The following CPNE6 variants were observed in gnomAD, a reference collection of about 807,000 sequenced individuals.
The protein encoded by CPNE6 is copine-6.
CPNE6 carries 33 observed loss-of-function variants against 71.5 expected under a neutral mutation model. The ratio of observed to expected loss-of-function variants is 0.46; its 90% CI spans 0.35 to 0.62. The LOEUF (loss-of-function observed/expected upper bound fraction) is 0.62. CPNE6 is among the 20% of genes least tolerant of loss of function. CPNE6 has a pLI of 0.00. For missense variants in CPNE6, 576 were observed against 747.3 expected (o/e 0.77, Z 2.67); for synonymous variants, 296 against 293.0 (o/e 1.01, Z -0.10).
In CPNE6 at chr14:24,074,582, G is replaced by A; in HGVS notation, c.550G>A (p.Asp184Asn). 1 of 1,614,192 alleles carries A rather than the reference G, an allele frequency of 6.2e-7. No individual in the cohort carries two copies. Residue 184 changes from aspartate (D) to asparagine (N), a missense_variant, in exon 7 of 18, where the codon GAC becomes AAC. Asp to Asn is a conservative substitution (Grantham distance 23). This residue lies in a region of CPNE6 where 214 missense variants were observed against 291.2 expected (regional missense o/e 0.73). Coordinates refer to ENST00000397016, the Ensembl canonical transcript of CPNE6. The surrounding 1 kb of genome is among the most constrained non-coding windows in gnomAD (Gnocchi z 4.5). ...CATGGAAATCTATAAGACCAACGAG[G>A]ACCAAAGTGATCAGCTGGTCTGGAG...
Position 24,074,509 on chromosome 14 carries a change from G to T in CPNE6, c.499-22G>T. ...CTTGCAGCTCTCACCAACCTCAAGG[G>T]CCCTTTCTCCTGTATCTTCAGGATC... On this transcript the variant is annotated intron_variant, in intron 6 of 17. Coordinates refer to ENST00000397016, the Ensembl canonical transcript of CPNE6. This position sits in a 1 kb window ranked among gnomAD's most constrained non-coding sequence, Gnocchi z 4.5. 1 of 1,611,418 alleles carries T rather than the reference G, an allele frequency of 6.2e-7. No homozygotes were observed. The highest frequency in any genetic ancestry group is 1.1e-5 in the South Asian group (1 of 91,024).
Position 24,074,449 on chromosome 14 carries a change from G to T in CPNE6, c.499-82G>T, listed in dbSNP as rs546509918. Reference sequence around the variant, plus strand: ...AGACAGATCCCAGGAGCCCAGGCCTGCTCTCTTCCCAGTGGGAGCCCATCC... The same window carrying T: ...AGACAGATCCCAGGAGCCCAGGCCTTCTCTCTTCCCAGTGGGAGCCCATCC... On this transcript the variant is annotated intron_variant, in intron 6 of 17. Transcript: ENST00000397016. The surrounding 1 kb of genome is among the most constrained non-coding windows in gnomAD (Gnocchi z 4.5). 779 of 1,582,400 alleles carry T rather than the reference G, an allele frequency of 4.9e-4. 7 individuals carry two copies. The South Asian group carries it at 5.0e-3, about 10-fold the overall frequency.
intron 2 of CPNE6, chr14:24,072,640 CTA>C: frequency 3.1e-6 from 1 of 320,748 alleles, no homozygotes; most frequent in South Asian, 1.4e-4. Flanking sequence ...AATCGATGGC[CTA>C]GGAGCCAAGA....
chr14:24,075,739 C>T lies in CPNE6; in HGVS notation c.865-88C>T, dbSNP rs1046438410. The T allele has an allele frequency of 1.1e-5, 15 of 1,410,058 alleles. No homozygotes were observed. The highest frequency in any genetic ancestry group is 1.1e-4 in the Admixed American group (6 of 56,626). 87.3% of individuals were successfully genotyped at this position (1,410,058 alleles called of 1,614,324 possible). ...AACTGCAACCCAAAAAACTCTGGCT[C>T]CCCCATGTTCCCCACAGAAGCCCTA... is the stretch of plus-strand genomic sequence containing the variant. On this transcript the variant is annotated intron_variant, in intron 10 of 17. Coordinates refer to ENST00000397016, the Ensembl canonical transcript of CPNE6. The surrounding 1 kb of genome is among the most constrained non-coding windows in gnomAD (Gnocchi z 4.3).
At position 24,077,453 on chromosome 14, in the gene CPNE6, C is replaced by T; in HGVS notation, c.1536+63C>T. 2 of 1,576,732 alleles carry T rather than the reference C, an allele frequency of 1.3e-6. No individual in the cohort carries two copies. Among genetic ancestry groups the T allele is most frequent in the Non-Finnish European group, 1.7e-6 (2 of 1,146,828 alleles). On this transcript the variant is annotated intron_variant, in intron 16 of 17. Coordinates refer to ENST00000397016, the Ensembl canonical transcript of CPNE6. The surrounding 1 kb of genome is among the most constrained non-coding windows in gnomAD (Gnocchi z 6.1). Reference sequence around the variant, plus strand: ...CAGCTTCTCATCCCCCCAAATCTGACCTTCGTCTTCCACCATTTGATGTCC... The same window carrying T: ...CAGCTTCTCATCCCCCCAAATCTGATCTTCGTCTTCCACCATTTGATGTCC...
exon 3 of CPNE6, chr14:24,072,946 C>T: frequency 2.5e-6 from 4 of 1,579,448 alleles, no homozygotes; most frequent in Non-Finnish European, 3.4e-6. Context: ...CATGTCGGAC[C>T]CTGAGATGGG....
At position 24,074,452 on chromosome 14, in the gene CPNE6, C is replaced by T. The variant is rs1479849584; in HGVS notation, c.499-79C>T. ...CAGATCCCAGGAGCCCAGGCCTGCT[C>T]TCTTCCCAGTGGGAGCCCATCCCCC... On this transcript the variant is annotated intron_variant, in intron 6 of 17. Coordinates refer to ENST00000397016, the Ensembl canonical transcript of CPNE6. The surrounding 1 kb of genome is among the most constrained non-coding windows in gnomAD (Gnocchi z 4.5). 1.3e-6 allele frequency: 2 copies of T among 1,583,978 alleles called. No individual in the cohort carries two copies. The highest frequency in any genetic ancestry group is 1.7e-6 in the Non-Finnish European group (2 of 1,155,642).
rs1449520903 is a variant in CPNE6 at position 24,077,467 on chromosome 14, C to T, written c.1536+77C>T. 6.4e-7 allele frequency: 1 copy of T among 1,572,044 alleles called. No individual in the cohort carries two copies. Among genetic ancestry groups the T allele is most frequent in the African/African-American group, 1.3e-5 (1 of 74,154 alleles). ...CCCAAATCTGACCTTCGTCTTCCAC[C>T]ATTTGATGTCCTGCTAAGGACGCGG... On this transcript the variant is annotated intron_variant, in intron 16 of 17. Transcript: ENST00000397016. This position sits in a 1 kb window ranked among gnomAD's most constrained non-coding sequence, Gnocchi z 6.1.
chr14:24,077,956 G>C lies in CPNE6; in HGVS notation c.*106G>C, dbSNP rs1248489687. 6.6e-6 allele frequency: 3 copies of C among 456,596 alleles called. No individual in the cohort carries two copies. The highest frequency in any genetic ancestry group is 7.6e-6 in the Non-Finnish European group (2 of 262,794). The allele number at this position is 456,596 out of a possible 1,614,324, so 28.3% of individuals were successfully genotyped here. On this transcript the variant is annotated 3_prime_UTR_variant, in exon 18 of 18. Coordinates refer to ENST00000397016, the Ensembl canonical transcript of CPNE6. The surrounding 1 kb of genome is among the most constrained non-coding windows in gnomAD (Gnocchi z 6.1). The stretch of plus-strand genomic sequence containing the variant: ...CCTCTTGGACCAGGTGTGCCCCCTG[G>C]GTTCTGGACGTGAGTGGTGGGTCCT...
At position 24,077,405 on chromosome 14, in the gene CPNE6, C is replaced by A; in HGVS notation, c.1536+15C>A. 6.2e-7 allele frequency: 1 copy of A among 1,609,216 alleles called. No individual in the cohort carries two copies. Among genetic ancestry groups the A allele is most frequent in the Non-Finnish European group, 8.5e-7 (1 of 1,175,738 alleles). ...ACTTCAAGGATGTGAGTCCCCCGGG[C>A]CCCTTCCGGCTGAAGGACTCCTCAG... On this transcript the variant is annotated intron_variant, in intron 16 of 17. Transcript: ENST00000397016. The surrounding 1 kb of genome is among the most constrained non-coding windows in gnomAD (Gnocchi z 6.1).
rs1336692908 is a variant in CPNE6 at position 24,077,803 on chromosome 14, G to C, written c.*37+36G>C. On this transcript the variant is annotated intron_variant, in intron 17 of 17. Coordinates refer to ENST00000397016, the Ensembl canonical transcript of CPNE6. This position sits in a 1 kb window ranked among gnomAD's most constrained non-coding sequence, Gnocchi z 6.1. The stretch of plus-strand genomic sequence containing the variant: ...GGGCTTCCAAAGGAGTGGACACAGG[G>C]GGTGCAAAGTGGGGCTTGGTAGAGC... 1 of 1,435,890 alleles carries C rather than the reference G, an allele frequency of 7.0e-7. No homozygotes were observed. The highest frequency in any genetic ancestry group is 1.4e-5 in the African/African-American group (1 of 69,744). 88.9% of individuals were successfully genotyped at this position (1,435,890 alleles called of 1,614,324 possible). A position where few individuals can be genotyped will look rare whatever the true frequency, so the allele number is the denominator to read the frequency against.
chr14:24,075,717 T>A lies in CPNE6; in HGVS notation c.865-110T>A. ...CTGGGAACTGGAAACCACCCCCAAC[T>A]GCAACCCAAAAAACTCTGGCTCCCC... On this transcript the variant is annotated intron_variant, in intron 10 of 17. Transcript: ENST00000397016. This position sits in a 1 kb window ranked among gnomAD's most constrained non-coding sequence, Gnocchi z 4.3. 1.6e-5 allele frequency: 22 copies of A among 1,367,706 alleles called. 2 individuals carry two copies. The South Asian group carries it at 2.6e-4, about 16-fold the overall frequency. 84.7% of individuals were successfully genotyped at this position (1,367,706 alleles called of 1,614,324 possible).
chr14:24,075,492 G>A lies in CPNE6; in HGVS notation c.778-13G>A. Reference sequence around the variant, plus strand: ...ATGGACTTGTGACCCTGAGCTTGTGGGGTGGGGTCTAGATGCAGTGGGACT... The same window carrying A: ...ATGGACTTGTGACCCTGAGCTTGTGAGGTGGGGTCTAGATGCAGTGGGACT... On this transcript the variant is annotated splice_polypyrimidine_tract_variant and intron_variant, in intron 9 of 17. Coordinates refer to ENST00000397016, the Ensembl canonical transcript of CPNE6. The surrounding 1 kb of genome is among the most constrained non-coding windows in gnomAD (Gnocchi z 4.3). The A allele has an allele frequency of 6.2e-7, 1 of 1,607,748 alleles. No individual in the cohort carries two copies. Among genetic ancestry groups the A allele is most frequent in the Non-Finnish European group, 8.5e-7 (1 of 1,176,658 alleles).
At chr14:24,076,457 A>G in intron 13 of CPNE6, 43 bp downstream of exon 12, 1 of 1,614,198 alleles carries the variant, frequency 6.2e-7, no homozygotes, top group Non-Finnish European at 8.5e-7. Flanking sequence ...GGGGCGTGTC[A>G]GTCAGGCAGA....
At position 24,076,143 on chromosome 14, in the gene CPNE6, A is replaced by T; in HGVS notation, c.925-6A>T. The T allele has an allele frequency of 6.2e-7, 1 of 1,611,738 alleles. No individual in the cohort carries two copies. The highest frequency in any genetic ancestry group is 8.5e-7 in the Non-Finnish European group (1 of 1,178,974). On this transcript the variant is annotated splice_polypyrimidine_tract_variant and splice_region_variant and intron_variant, in intron 11 of 17. Coordinates refer to ENST00000397016, the Ensembl canonical transcript of CPNE6. ...GCAGCATGACCTTCTTCCCACCCCC[A>T]CCCAGGTGGCCATTGACTTCACCGC...
rs751464093 is a variant in CPNE6 at position 24,076,299 on chromosome 14, C to A, written c.1058+17C>A. 1.9e-6 allele frequency: 3 copies of A among 1,614,172 alleles called. No homozygotes were observed. Among genetic ancestry groups the A allele is most frequent in the East Asian group, 2.2e-5 (1 of 44,886 alleles). On this transcript the variant is annotated intron_variant, in intron 12 of 17. Transcript: ENST00000397016. ...CTATGACAGGTAGGAGAGAGTGGGG[C>A]GGGAGGGAACAGGCAGGGAGGCCTT...
chr14:24,074,779 T>C lies in CPNE6; in HGVS notation c.656T>C (p.Val219Ala), dbSNP rs2036006408. ...CTGCATTCCCTATGCAGCTGTGATG[T>C]TCACCGACCTCTCAAGGTGAAGTCC... Residue 219 changes from valine (V) to alanine (A), a missense_variant, in exon 8 of 18, where the codon GTT (valine) becomes GCT (alanine). Around this residue, in one of 4 missense-constraint regions of CPNE6, gnomAD observed 214 missense variants for 291.2 expected, o/e 0.73. Coordinates refer to ENST00000397016, the Ensembl canonical transcript of CPNE6. This position sits in a 1 kb window ranked among gnomAD's most constrained non-coding sequence, Gnocchi z 4.5. The C allele has an allele frequency of 6.2e-7, 1 of 1,613,116 alleles. No homozygotes were observed. The highest frequency in any genetic ancestry group is 1.3e-5 in the African/African-American group (1 of 74,864).
rs2035937102 is a variant in CPNE6, at chr14:24,072,663, C to T, written c.-4-270C>T. The T allele has an allele frequency of 8.5e-6, 3 of 352,908 alleles. No homozygotes were observed. The South Asian group carries it at 3.9e-4, about 46-fold the overall frequency. 21.9% of individuals were successfully genotyped at this position (352,908 alleles called of 1,614,324 possible). On this transcript the variant is annotated intron_variant, in intron 2 of 17. Transcript: ENST00000397016. Reference sequence around the variant, plus strand: ...GCCTAGGAGCCAAGACTGCCAGGAACATCCCCACCCCAATCCTTCAGCCCT... The same window carrying T: ...GCCTAGGAGCCAAGACTGCCAGGAATATCCCCACCCCAATCCTTCAGCCCT...
chr14:24,076,223 G>A (rs1462437665), exon 12 of CPNE6: 1 of 1,614,088 alleles, frequency 6.2e-7, no homozygotes, highest in African/African-American at 1.3e-5. Flanking sequence ...GTCCCCGACA[G>A]CCCAACCACT....
Sources: allele counts gnomAD v4.1 joint callset, GRCh38; gene constraint gnomAD v4.1.1; regional missense constraint gnomAD v4.1.1; non-coding constraint Gnocchi (gnomAD v3.1); transcripts MANE v1.5; gene names NCBI Gene and HGNC (gene_info 2026-07-23, HGNC 2026-07-21).